PTTG1IP2: variants seen among roughly 807,000 people sequenced by gnomAD.
PTTG1IP2 encodes PTTG1IP family member 2.
At chr7:90,501,614 G>T (rs1298421842) in intron 6 of PTTG1IP2, among the ~76,000 whole-genome samples, 1 of 152,204 alleles carries the variant, frequency 6.6e-6, no homozygotes, top group African/African-American at 2.4e-5. Flanking sequence ...AGGCTGCAGT[G>T]AGCTCTGATC....
intron 5 of PTTG1IP2, among the ~76,000 whole-genome samples, chr7:90,493,776 T>A (rs772523440): frequency 1.3e-5 from 2 of 152,180 alleles, no homozygotes; most frequent in Non-Finnish European, 2.9e-5. Flanking sequence ...GTCATAGACA[T>A]CAAGAGAAAG....
At chr7:90,505,275 A>G (rs1447814569) in intron 6 of PTTG1IP2, among the ~76,000 whole-genome samples, 2 of 152,222 alleles carry the variant, frequency 1.3e-5, no homozygotes, top group Admixed American at 1.3e-4. Context: ...CTGCCCAGCC[A>G]AATCCACAAA....
intron 2 of PTTG1IP2, among the ~76,000 whole-genome samples, chr7:90,484,371 C>A (rs1797845677): frequency 6.6e-6 from 1 of 151,988 alleles, no homozygotes; most frequent in Admixed American, 6.6e-5. Flanking sequence ...ATTAAAATAG[C>A]AATTGTGATG....
chr7:90,501,576 G>A (rs986041369), intron 6 of PTTG1IP2, among the ~76,000 whole-genome samples: 28 of 152,294 alleles, frequency 1.8e-4, no homozygotes, highest in Admixed American at 6.5e-4. Context: ...AGGCTGGGGT[G>A]AGAGGATCAC....
chr7:90,484,613 C>T (rs985181191), intron 2 of PTTG1IP2, among the ~76,000 whole-genome samples: 2 of 152,078 alleles, frequency 1.3e-5, no homozygotes, highest in African/African-American at 4.8e-5. Context: ...ATATATTATA[C>T]TGTTCTTGGG....
rs191092923 is a variant in PTTG1IP2, at chr7:90,509,871, A to G, written c.*51-3407A>G. On this transcript the variant is annotated intron_variant, in intron 6 of 6. Transcript: ENST00000509356. ...TTGTTCATATGCATAACCTATTAAT[A>G]TTTGTAAACTACAGTAATGCTTTTA... 1.6e-4 allele frequency among the ~76,000 whole-genome samples: 25 copies of G among 152,268 alleles called. No homozygotes were observed. In the East Asian group the frequency reaches 4.8e-3, roughly 29 times the overall value.
At chr7:90,470,963 C>CAAAAAAAA (rs5885726) in intron 1 of PTTG1IP2, among the ~76,000 whole-genome samples, 25 of 108,006 alleles carry the variant, frequency 2.3e-4, no homozygotes, top group Non-Finnish European at 3.1e-4. Flanking sequence ...TGATGAAGAA[C>CAAAAAAAA]AAAAAAAAAA....
chr7:90,477,381 T>G (rs1797760363), intron 1 of PTTG1IP2, among the ~76,000 whole-genome samples: 1 of 152,210 alleles, frequency 6.6e-6, no homozygotes, highest in Non-Finnish European at 1.5e-5. Flanking sequence ...GATGGCTTGT[T>G]AGTTATACAA....
intron 2 of PTTG1IP2, among the ~76,000 whole-genome samples, chr7:90,486,826 G>C (rs2374264): frequency 0.39 from 59,867 of 151,652 alleles, 12,770 homozygotes; most frequent in Non-Finnish European, 0.5. Context: ...GGGTTCAGGT[G>C]CATGTGATTT....
intron 1 of PTTG1IP2, among the ~76,000 whole-genome samples, chr7:90,475,009 T>G (rs1797730683): frequency 6.6e-6 from 1 of 152,186 alleles, no homozygotes; most frequent in African/African-American, 2.4e-5. Flanking sequence ...AATGGATCAG[T>G]GCCAGACGGT....
At chr7:90,500,891 A>G (rs1049973119) in intron 6 of PTTG1IP2, among the ~76,000 whole-genome samples, 2 of 152,220 alleles carry the variant, frequency 1.3e-5, no homozygotes, top group African/African-American at 2.4e-5. Context: ...AACATCTGTC[A>G]TTGATTTAGG....
At chr7:90,475,629 A>T (rs1257874052) in intron 1 of PTTG1IP2, among the ~76,000 whole-genome samples, 3 of 152,200 alleles carry the variant, frequency 2.0e-5, no homozygotes. Context: ...GGAGGAGAGA[A>T]ATGGAAGAGA....
At chr7:90,498,820 T>C (rs79558251) in intron 6 of PTTG1IP2, among the ~76,000 whole-genome samples, 78 of 152,346 alleles carry the variant, frequency 5.1e-4, no homozygotes, top group African/African-American at 1.9e-3. Context: ...CCACCTCTTA[T>C]TACTCTTTCT....
At position 90,505,298 on chromosome 7, in the gene PTTG1IP2, C is replaced by T. The variant is rs17864950; in HGVS notation, c.*51-7980C>T. ...CCAAATCCACAAACATGGATGTTAG[C>T]AGAGAAAGCTATTGTTGGACTGCAG... On this transcript the variant is annotated intron_variant, in intron 6 of 6. Transcript: ENST00000509356. Among the ~76,000 whole-genome samples, 818 of 152,294 alleles carry T rather than the reference C, an allele frequency of 5.4e-3. 10 individuals are homozygous for T. Among genetic ancestry groups the T allele is most frequent in the African/African-American group, 0.019 (785 of 41,558 alleles).
At chr7:90,473,030 CT>C (rs1017700614) in intron 1 of PTTG1IP2, among the ~76,000 whole-genome samples, 13 of 152,164 alleles carry the variant, frequency 8.5e-5, no homozygotes, top group African/African-American at 3.1e-4. Flanking sequence ...TTGTGACTCA[CT>C]TTCTAGAGTT....
chr7:90,472,318 ACACC>A lies in PTTG1IP2; in HGVS notation c.145+2389_145+2392del, dbSNP rs1263444036. ...CACACACACACACACACACACACAC[ACACC>A]CCAAATAATCTACCCTAGAAGAGAA... On this transcript the variant is annotated intron_variant, in intron 1 of 6. Coordinates refer to ENST00000509356, the MANE Select transcript of PTTG1IP2 (RefSeq NM_001365443.2). 7.0e-3 allele frequency among the ~76,000 whole-genome samples: 712 copies of A among 101,604 alleles called. 8 individuals are homozygous for A. Among genetic ancestry groups the A allele is most frequent in the African/African-American group, 0.024 (685 of 28,080 alleles). 66.7% of individuals were successfully genotyped at this position (101,604 alleles called of 152,430 possible). A position where few individuals can be genotyped will look rare whatever the true frequency, so the allele number is the denominator to read the frequency against.
chr7:90,473,577 G>A (rs1797714235), intron 1 of PTTG1IP2, among the ~76,000 whole-genome samples: 1 of 152,190 alleles, frequency 6.6e-6, no homozygotes, highest in South Asian at 2.1e-4. Flanking sequence ...ATGGTTTTCT[G>A]CCACTAGCAG....
intron 6 of PTTG1IP2, among the ~76,000 whole-genome samples, chr7:90,496,263 C>T (rs554491101): frequency 2.6e-5 from 4 of 152,146 alleles, no homozygotes; most frequent in Non-Finnish European, 4.4e-5. Context: ...GCAGTGAAGC[C>T]ATGAGATTTT....
intron 5 of PTTG1IP2, among the ~76,000 whole-genome samples, chr7:90,492,949 G>T (rs1797954931): frequency 6.6e-6 from 1 of 151,966 alleles, no homozygotes; most frequent in Non-Finnish European, 1.5e-5. Context: ...GCTTCCTTTG[G>T]CTGATCACCC....
Sources: allele counts gnomAD v4.1 joint callset (sites outside exome capture counted in the v4.1 genomes callset), GRCh38; gene constraint gnomAD v4.1.1; transcripts MANE v1.5; gene names NCBI Gene and HGNC (gene_info 2026-07-23, HGNC 2026-07-21).